The following ZBTB20 variants were observed in gnomAD, a reference collection of about 807,000 sequenced individuals.
The protein encoded by ZBTB20 is zinc finger and BTB domain containing 20.
ZBTB20 carries 9 observed loss-of-function variants against 56.9 expected under a neutral mutation model. The observed-to-expected ratio is 0.16, with a 90% CI of 0.10 to 0.28. ZBTB20 has a LOEUF of 0.28. ZBTB20 is among the 10% of genes least tolerant of loss of function. The pLI, the probability that ZBTB20 is intolerant of heterozygous loss-of-function variation, is 1.00. For synonymous variants in ZBTB20, 417 were observed against 420.7 expected (o/e 0.99, Z 0.11); for missense variants, 655 against 1,003.0 (o/e 0.65, Z 4.69).
At chr3:114,908,907 G>T (rs996167985) in intron 3 of ZBTB20, among the ~76,000 whole-genome samples, 3 of 150,924 alleles carry the variant, frequency 2.0e-5, no homozygotes, top group African/African-American at 7.3e-5. Context: ...AGAGATAGAA[G>T]ATATTTTTTA....
Position 114,416,288 on chromosome 3 carries a change from G to A in ZBTB20, c.-254-27183C>T, listed in dbSNP as rs190293310. ...ATAATATCAACCACCTGATCATTGT[G>A]GTCAGACATATGATAATTTCAATTC... On this transcript the variant is annotated intron_variant, in intron 7 of 11. Transcript: ENST00000675478. 1.1e-3 allele frequency among the ~76,000 whole-genome samples: 171 copies of A among 149,388 alleles called. 2 individuals carry two copies. Among genetic ancestry groups the A allele is most frequent in the African/African-American group, 4.1e-3 (166 of 40,486 alleles).
chr3:114,991,741 G>A (rs2078819755), intron 2 of ZBTB20, among the ~76,000 whole-genome samples: 1 of 152,114 alleles, frequency 6.6e-6, no homozygotes, highest in Admixed American at 6.6e-5. Flanking sequence ...GGGAGTCTAA[G>A]TCTCTTTGTA....
chr3:114,491,740 C>A (rs907787677), intron 7 of ZBTB20, among the ~76,000 whole-genome samples: 4 of 152,108 alleles, frequency 2.6e-5, no homozygotes, highest in African/African-American at 9.7e-5. Context: ...CCATGCTTTT[C>A]CAACCTTCTT....
intron 7 of ZBTB20, among the ~76,000 whole-genome samples, chr3:114,396,437 G>T (rs2086343676): frequency 1.3e-5 from 2 of 152,146 alleles, no homozygotes; most frequent in African/African-American, 4.8e-5. Context: ...TTACCGTGTG[G>T]CAGGCATTGA....
chr3:114,782,713 G>A (rs1297616740), intron 5 of ZBTB20, among the ~76,000 whole-genome samples: 2 of 152,128 alleles, frequency 1.3e-5, no homozygotes, highest in African/African-American at 4.8e-5. Flanking sequence ...ATTAATTATA[G>A]ATGGTGGAAT....
At position 114,477,712 on chromosome 3, in the gene ZBTB20, C is replaced by T. The variant is rs898847310; in HGVS notation, c.-255+22640G>A. ...GTTTTTCCATGTTGGTCATGCTGGG[C>T]TTGAACTCCTGACCTCAGGTGATCC... On this transcript the variant is annotated intron_variant, in intron 7 of 11. Transcript: ENST00000675478. Among the ~76,000 whole-genome samples, 30 of 152,016 alleles carry T rather than the reference C, an allele frequency of 2.0e-4. 1 individual carries two copies. The highest frequency in any genetic ancestry group is 1.9e-3 in the Admixed American group (29 of 15,278).
At chr3:115,076,365 A>C (rs1024444554) in intron 1 of ZBTB20, among the ~76,000 whole-genome samples, 1 of 152,210 alleles carries the variant, frequency 6.6e-6, no homozygotes, top group African/African-American at 2.4e-5. Flanking sequence ...AGATATATAG[A>C]CAAATGAAAC....
intron 5 of ZBTB20, among the ~76,000 whole-genome samples, chr3:114,720,828 A>G (rs2108492433): frequency 6.6e-6 from 1 of 152,302 alleles, no homozygotes; most frequent in African/African-American, 2.4e-5. Context: ...CATATTTAAT[A>G]TCTATTTGTT....
chr3:114,539,187 G>C (rs1232430849), intron 6 of ZBTB20, among the ~76,000 whole-genome samples: 6 of 152,082 alleles, frequency 3.9e-5, no homozygotes, highest in Non-Finnish European at 7.4e-5. Context: ...ATTTTGGAAA[G>C]TCACAATTAT....
At chr3:114,657,270 CTCTT>C (rs2060466008) in intron 6 of ZBTB20, among the ~76,000 whole-genome samples, 1 of 152,134 alleles carries the variant, frequency 6.6e-6, no homozygotes, top group South Asian at 2.1e-4. Flanking sequence ...AGGTTTGTCT[CTCTT>C]TCTATAATTA....
intron 5 of ZBTB20, among the ~76,000 whole-genome samples, chr3:114,741,942 G>C (rs2066630122): frequency 6.6e-6 from 1 of 151,396 alleles, no homozygotes; most frequent in African/African-American, 2.4e-5. Context: ...GGAAAATGAA[G>C]GGAATTAACA....
At chr3:115,132,587 T>TA (rs1395466920) in intron 1 of ZBTB20, among the ~76,000 whole-genome samples, 1 of 152,172 alleles carries the variant, frequency 6.6e-6, no homozygotes, top group African/African-American at 2.4e-5. Context: ...TGTTGTTAAT[T>TA]AAAATGTTTT....
intron 1 of ZBTB20, among the ~76,000 whole-genome samples, chr3:115,106,818 C>G (rs542811837): frequency 6.6e-6 from 1 of 152,178 alleles, no homozygotes; most frequent in Non-Finnish European, 1.5e-5. Context: ...CTCTGCCCCC[C>G]AGAGCAGAGA....
chr3:114,511,086 C>G (rs1446100549), intron 6 of ZBTB20, among the ~76,000 whole-genome samples: 1 of 143,780 alleles, frequency 7.0e-6, no homozygotes, highest in East Asian at 2.0e-4. Context: ...CTTTTATAGA[C>G]TCTGTCCACA....
At chr3:114,372,908 C>T (rs1238896263) in intron 10 of ZBTB20, among the ~76,000 whole-genome samples, 1 of 152,086 alleles carries the variant, frequency 6.6e-6, no homozygotes, top group Non-Finnish European at 1.5e-5. Flanking sequence ...ATCACTAGGT[C>T]CTTCAGAATA....
At chr3:114,815,270 A>G (rs2072835496) in intron 4 of ZBTB20, among the ~76,000 whole-genome samples, 1 of 152,242 alleles carries the variant, frequency 6.6e-6, no homozygotes, top group Non-Finnish European at 1.5e-5. Flanking sequence ...TAGGCTATAC[A>G]TAACACATTT....
intron 7 of ZBTB20, among the ~76,000 whole-genome samples, chr3:114,474,610 C>G (rs2040530137): frequency 1.3e-5 from 2 of 152,102 alleles, no homozygotes; most frequent in African/African-American, 4.8e-5. Context: ...TCACAGATAC[C>G]CAGTCGGCAC....
intron 5 of ZBTB20, among the ~76,000 whole-genome samples, chr3:114,783,037 A>C (rs868200499): frequency 5.9e-5 from 9 of 152,306 alleles, no homozygotes; most frequent in South Asian, 2.1e-4. Context: ...CTTTCAACCT[A>C]ATGTGATAAT....
At position 114,316,661 on chromosome 3, in the gene ZBTB20, CTTTAA is replaced by C. The variant is rs2078696634; in HGVS notation, c.*22339_*22343del. 2 of 424,706 alleles carry C rather than the reference CTTTAA, an allele frequency of 4.7e-6. No individual in the cohort carries two copies. 26.3% of individuals were successfully genotyped at this position (424,706 alleles called of 1,614,324 possible). On this transcript the variant is annotated 3_prime_UTR_variant, in exon 12 of 12. Transcript: ENST00000675478. ...TCTGTATATTTTAAACAGTCTGGAG[CTTTAA>C]TTTATTTTTTAAAGTGCATTTTCAA... is the stretch of plus-strand genomic sequence containing the variant.
Sources: gnomAD v4.1 joint callset for allele counts (sites outside exome capture counted in the v4.1 genomes callset) on GRCh38, gnomAD v4.1.1 for gene constraint, MANE v1.5 for transcripts, NCBI Gene and HGNC (gene_info 2026-07-23, HGNC 2026-07-21) for gene names.